ENTPD1: variants seen among roughly 807,000 people sequenced by gnomAD.
The protein encoded by ENTPD1 is ectonucleoside triphosphate diphosphohydrolase 1.
Under a neutral mutation model 57.0 loss-of-function variants are expected in ENTPD1, and 33 were observed. The observed-to-expected ratio is 0.58, with a 90% CI of 0.44 to 0.77. ENTPD1 has a LOEUF of 0.77. Among genes scored for constraint, ENTPD1 ranks in the 30% least tolerant of loss-of-function variants. The pLI, the probability that ENTPD1 is intolerant of heterozygous loss-of-function variation, is 0.00. For missense variants in ENTPD1, 501 were observed against 603.4 expected (o/e 0.83, Z 1.78); for synonymous variants, 202 against 218.8 (o/e 0.92, Z 0.68).
In ENTPD1 at chr10:95,860,493, A is replaced by T; in HGVS notation, c.1099A>T (p.Met367Leu). ...FGAFSAFYFV[M>L]KFLNLTSEKV... is the part of the protein sequence containing the mutation. ...GGCATTTTCAGCTTTTTACTTTGTG[A>T]TGAAGTTTTTAAACTTGACATCAGA... Residue 367 changes from methionine to leucine, a missense_variant, in exon 8 of 10, where the codon ATG becomes TTG. By Grantham distance (15) the Met-to-Leu change is conservative. Coordinates refer to ENST00000371205, the MANE Select transcript of ENTPD1 (RefSeq NM_001776.6). 6.2e-7 allele frequency: 1 copy of T among 1,613,730 alleles called. No individual in the cohort carries two copies. Among genetic ancestry groups the T allele is most frequent in the Non-Finnish European group, 8.5e-7 (1 of 1,179,754 alleles).
intron 1 of ENTPD1, among the ~76,000 whole-genome samples, chr10:95,784,136 G>A (rs186523906): frequency 7.3e-6 from 1 of 137,896 alleles, no homozygotes; most frequent in African/African-American, 2.7e-5. Flanking sequence ...GAAAAGATCA[G>A]TGTAGCAATT....
chr10:95,728,216 A>G (rs559485938), intron 1 of ENTPD1, among the ~76,000 whole-genome samples: 1 of 152,346 alleles, frequency 6.6e-6, no homozygotes, highest in Non-Finnish European at 1.5e-5. Context: ...ATAGCCTACT[A>G]TTGGCCAGAA....
intron 1 of ENTPD1, among the ~76,000 whole-genome samples, chr10:95,716,960 AC>A (rs377094871): frequency 3.9e-5 from 6 of 152,172 alleles, no homozygotes; most frequent in African/African-American, 1.4e-4. Flanking sequence ...CCTGCTCACT[AC>A]CTAAGGAGAG....
chr10:95,755,582 C>T, upstream of ENTPD1: 3 of 951,368 alleles, frequency 3.2e-6, no homozygotes, highest in Non-Finnish European at 4.7e-6. Context: ...TGAGCAGCTC[C>T]TCTGTGGTTC....
chr10:95,762,397 T>G (rs1175585874), intron 1 of ENTPD1, among the ~76,000 whole-genome samples: 1 of 151,796 alleles, frequency 6.6e-6, no homozygotes, highest in African/African-American at 2.4e-5. Flanking sequence ...GCAGTTTTTT[T>G]TTTTTTTTTT....
chr10:95,817,258 C>A (rs2098333153), intron 1 of ENTPD1, among the ~76,000 whole-genome samples: 1 of 152,194 alleles, frequency 6.6e-6, no homozygotes. Context: ...TATGTTTACT[C>A]CTCCTGGATG....
chr10:95,707,660 A>G (rs769460428), upstream of ENTPD1, among the ~76,000 whole-genome samples: 29 of 152,142 alleles, frequency 1.9e-4, no homozygotes, highest in Non-Finnish European at 3.8e-4. Context: ...GCTGGAGTGC[A>G]GTGGTGCAAT....
chr10:95,861,429 C>T (rs995610492), intron 8 of ENTPD1: 1 of 152,118 alleles, frequency 6.6e-6, no homozygotes, highest in African/African-American at 2.4e-5. Flanking sequence ...TTGACAGTTG[C>T]AAAAGTGAAT....
intron 1 of ENTPD1, among the ~76,000 whole-genome samples, chr10:95,789,256 A>G (rs1364991060): frequency 6.6e-6 from 1 of 152,208 alleles, no homozygotes; most frequent in Non-Finnish European, 1.5e-5. Flanking sequence ...TGCTCTTTAA[A>G]TTATTGGAAT....
intron 2 of ENTPD1, among the ~76,000 whole-genome samples, chr10:95,831,597 G>A (rs1197701639): frequency 6.6e-6 from 1 of 152,246 alleles, no homozygotes; most frequent in Admixed American, 6.5e-5. Flanking sequence ...CAAATTGACA[G>A]TTATCTTTAT....
In ENTPD1 at chr10:95,748,667, T is replaced by C. The variant is rs558686304; in HGVS notation, c.37+36674T>C. 3.9e-5 allele frequency among the ~76,000 whole-genome samples: 6 copies of C among 152,322 alleles called. No individual in the cohort carries two copies. The South Asian group carries it at 1.2e-3, about 32-fold the overall frequency. On this transcript the variant is annotated intron_variant, in intron 1 of 9. Coordinates refer to the ENTPD1 transcript ENST00000453258. ...AACAGTTCTATAATATTATAAAATA[T>C]CTAGTCAGTTTTCAAATTTCTTTGA...
chr10:95,865,129 C>G (rs942940458), intron 9 of ENTPD1, among the ~76,000 whole-genome samples: 1 of 152,208 alleles, frequency 6.6e-6, no homozygotes, highest in South Asian at 2.1e-4. Context: ...AAACAAAACA[C>G]AAAACGAGAT....
At chr10:95,738,028 G>T (rs1489256617) in intron 1 of ENTPD1, among the ~76,000 whole-genome samples, 1 of 152,292 alleles carries the variant, frequency 6.6e-6, no homozygotes, top group South Asian at 2.1e-4. Context: ...TTGAGGGCTG[G>T]GACTTCTGGG....
In ENTPD1 at chr10:95,866,384, C is replaced by G; in HGVS notation, c.*1C>G. On this transcript the variant is annotated 3_prime_UTR_variant, in exon 10 of 10. Coordinates refer to ENST00000371205, the MANE Select transcript of ENTPD1 (RefSeq NM_001776.6). ...ATATTTCTGGAAAGATATGGTATAG[C>G]AAAAGCAGCTGAAATATGCTGGCTG... is the stretch of plus-strand genomic sequence containing the variant. 3.1e-6 allele frequency: 5 copies of G among 1,613,976 alleles called. No homozygotes were observed. The highest frequency in any genetic ancestry group is 4.2e-6 in the Non-Finnish European group (5 of 1,179,974).
At chr10:95,821,807 G>T (rs562258053) in intron 1 of ENTPD1, among the ~76,000 whole-genome samples, 12 of 152,200 alleles carry the variant, frequency 7.9e-5, no homozygotes, top group Non-Finnish European at 1.5e-4. Context: ...TTAAGTTCAA[G>T]CTTCTGCTCA....
chr10:95,865,982 C>T (rs1224587642), intron 9 of ENTPD1, among the ~76,000 whole-genome samples, 195 bp from the exon 10 acceptor site: 1 of 152,140 alleles, frequency 6.6e-6, no homozygotes, highest in Non-Finnish European at 1.5e-5. Context: ...CCAGGCTAGT[C>T]TCAAACTCCT....
At chr10:95,759,614 C>T (rs573316298) in intron 1 of ENTPD1, among the ~76,000 whole-genome samples, 86 of 152,314 alleles carry the variant, frequency 5.6e-4, no homozygotes, top group African/African-American at 1.9e-3. Context: ...TTTCCTCTTC[C>T]TGGCATACCT....
At chr10:95,737,531 G>C (rs1319489678) in intron 1 of ENTPD1, among the ~76,000 whole-genome samples, 3 of 151,830 alleles carry the variant, frequency 2.0e-5, no homozygotes, top group African/African-American at 7.3e-5. Flanking sequence ...ATTACAGGTG[G>C]CTGCCACCAC....
At chr10:95,742,022 G>A (rs940358327) in intron 1 of ENTPD1, among the ~76,000 whole-genome samples, 3 of 152,166 alleles carry the variant, frequency 2.0e-5, no homozygotes, top group Non-Finnish European at 4.4e-5. Context: ...GCTTCCTGCT[G>A]TAGACTGTTC....
Sources: allele counts gnomAD v4.1 joint callset (sites outside exome capture counted in the v4.1 genomes callset), GRCh38; gene constraint gnomAD v4.1.1; transcripts MANE v1.5; gene names NCBI Gene and HGNC (gene_info 2026-07-23, HGNC 2026-07-21).